VMA12: variants seen among roughly 807,000 people sequenced by gnomAD.
VMA12 encodes the protein vacuolar ATPase assembly protein VMA12.
At chr17:28,359,501 T>A in the VMA12 span, 2 of 1,177,696 alleles carry the variant, frequency 1.7e-6, no homozygotes, top group Middle Eastern at 2.0e-4. Context: ...CATGGAAACT[T>A]GGTTTCTATA....
chr17:28,363,273 G>C, the VMA12 span: 1 of 152,198 alleles, frequency 6.6e-6, no homozygotes, highest in Admixed American at 6.5e-5. Flanking sequence ...GATTCAGTGG[G>C]ACCAGGAGCT....
the VMA12 span, chr17:28,357,683 T>A: frequency 1.2e-6 from 2 of 1,612,596 alleles, no homozygotes; most frequent in Non-Finnish European, 1.7e-6. Flanking sequence ...GGCGTCCTCT[T>A]TGCTTGCGGG....
the VMA12 span, chr17:28,360,761 A>C: frequency 6.2e-7 from 1 of 1,613,004 alleles, no homozygotes; most frequent in Non-Finnish European, 8.5e-7. Flanking sequence ...TCTGGTCATC[A>C]CCATCTTCAA....
the VMA12 span, chr17:28,363,055 C>T: frequency 6.6e-6 from 1 of 152,194 alleles, no homozygotes; most frequent in African/African-American, 2.4e-5. Context: ...CGATGTGTTA[C>T]ACACCATGTA....
At chr17:28,362,567 G>C in the VMA12 span, 1 of 152,222 alleles carries the variant, frequency 6.6e-6, no homozygotes, top group Non-Finnish European at 1.5e-5. Flanking sequence ...GGGAGACCAA[G>C]GTGGGAGGAT....
the VMA12 span, chr17:28,360,932 G>A: frequency 2.5e-6 from 3 of 1,187,558 alleles, no homozygotes; most frequent in Non-Finnish European, 1.2e-6. Flanking sequence ...GCCTTGCACA[G>A]GTTAGGTATT....
chr17:28,360,622 T>C, the VMA12 span: 539 of 1,609,072 alleles, frequency 3.3e-4, no homozygotes, highest in Admixed American at 4.8e-4. Context: ...AGATGGGTCA[T>C]GACACTCAGG....
At chr17:28,361,488 A>G in the VMA12 span, 29 of 503,450 alleles carry the variant, frequency 5.8e-5, no homozygotes, top group African/African-American at 4.1e-4. Flanking sequence ...GTCTTGGTCT[A>G]TCAGTACCTC....
At chr17:28,358,814 C>T in the VMA12 span, 6 of 853,794 alleles carry the variant, frequency 7.0e-6, no homozygotes, top group African/African-American at 5.1e-5. Context: ...GTAGAGATGG[C>T]CCTGTTTTAT....
At chr17:28,360,794 G>A in the VMA12 span, 78 of 1,614,062 alleles carry the variant, frequency 4.8e-5, no homozygotes, top group Non-Finnish European at 6.1e-5. Flanking sequence ...GGTGGTTGCT[G>A]CCTTCGTCTG....
At chr17:28,360,418 T>G in the VMA12 span, 2 of 992,306 alleles carry the variant, frequency 2.0e-6, no homozygotes, top group Non-Finnish European at 3.1e-6. Context: ...AAAGAATCCA[T>G]GGGGAGGGCA....
chr17:28,360,538 CATG>C, the VMA12 span: 3 of 1,614,118 alleles, frequency 1.9e-6, no homozygotes, highest in Admixed American at 1.7e-5. Flanking sequence ...GGATACAAGA[CATG>C]GTGGGACTCT....
At chr17:28,361,045 C>T in the VMA12 span, 7 of 1,094,454 alleles carry the variant, frequency 6.4e-6, no homozygotes, top group Non-Finnish European at 9.5e-6. Context: ...CTTTTCTTCC[C>T]CTCCCCCAAC....
chr17:28,362,825 A>C, the VMA12 span: 2 of 152,172 alleles, frequency 1.3e-5, no homozygotes, highest in Non-Finnish European at 2.9e-5. Flanking sequence ...AGCAGGGGGC[A>C]CTGGGAGGGG....
At chr17:28,363,487 C>T in the VMA12 span, 1 of 151,974 alleles carries the variant, frequency 6.6e-6, no homozygotes, top group Non-Finnish European at 1.5e-5. Flanking sequence ...CGTTCGTTTG[C>T]AGAGCACAAC....
At chr17:28,360,634 T>G in the VMA12 span, 1 of 1,607,086 alleles carries the variant, frequency 6.2e-7, no homozygotes, top group Non-Finnish European at 8.5e-7. Context: ...ACACTCAGGC[T>G]TGTTGTTTGA....
the VMA12 span, chr17:28,360,285 C>A: frequency 2.3e-6 from 1 of 430,588 alleles, no homozygotes; most frequent in Non-Finnish European, 4.3e-6. Context: ...TGACAGGGCT[C>A]CCTACTACTC....
chr17:28,360,759 T>C, the VMA12 span: 2 of 1,614,104 alleles, frequency 1.2e-6, no homozygotes, highest in East Asian at 2.2e-5. Flanking sequence ...GCTCTGGTCA[T>C]CACCATCTTC....
chr17:28,357,828 G>A, the VMA12 span: 1 of 1,614,104 alleles, frequency 6.2e-7, no homozygotes, highest in East Asian at 2.2e-5. Flanking sequence ...GGCCCCCAAC[G>A]CTTGGTTTCT....
Sources: allele counts gnomAD v4.1 joint callset, GRCh38; gene constraint gnomAD v4.1.1; transcripts MANE v1.5; gene names NCBI Gene and HGNC (gene_info 2026-07-23, HGNC 2026-07-21).